The following KCNQ1OT1 variants were observed in gnomAD, a reference collection of about 807,000 sequenced individuals.
KCNQ1OT1 encodes the protein KCNQ1 antisense RNA 2 (non-protein coding).
At position 2,652,725 on chromosome 11, in the gene KCNQ1OT1, C is replaced by A; in HGVS notation, n.47270G>T. ...TCTTTCCGTTTCCTGGGCTCACTCA[C>A]GCTCAGGGTTGACCCTGTCCTGGCT... On this transcript the variant is annotated non_coding_transcript_exon_variant, in exon 1 of 1. Coordinates refer to ENST00000597346, the Ensembl canonical transcript of KCNQ1OT1. This position sits in a 1 kb window ranked among gnomAD's most constrained non-coding sequence, Gnocchi z 5.9. The A allele has an allele frequency of 2.5e-6, 1 of 398,912 alleles. No homozygotes were observed. Among genetic ancestry groups the A allele is most frequent in the Non-Finnish European group, 4.4e-6 (1 of 226,324 alleles). 24.7% of individuals were successfully genotyped at this position (398,912 alleles called of 1,614,324 possible).
At chr11:2,649,774 G>A in exon 1 of KCNQ1OT1, 2 of 398,462 alleles carry the variant, frequency 5.0e-6, no homozygotes, top group Non-Finnish European at 8.8e-6. Flanking sequence ...CCTCAGAGAG[G>A]CCCTTTTAGG....
Position 2,613,272 on chromosome 11 carries a change from T to G in KCNQ1OT1, n.86723A>C. On this transcript the variant is annotated non_coding_transcript_exon_variant, in exon 1 of 1. Coordinates refer to ENST00000597346, the Ensembl canonical transcript of KCNQ1OT1. This position sits in a 1 kb window ranked among gnomAD's most constrained non-coding sequence, Gnocchi z 4.8. ...TAGATAGCAGGAAACCTCTCTGATC[T>G]CTCCTGCAAGCATGTACAACTTCCA... The G allele has an allele frequency of 2.5e-6, 1 of 398,560 alleles. No homozygotes were observed. Among genetic ancestry groups the G allele is most frequent in the African/African-American group, 2.1e-5 (1 of 48,732 alleles). The allele number at this position is 398,560 out of a possible 1,614,324, so 24.7% of individuals were successfully genotyped here.
chr11:2,644,326 G>A, exon 1 of KCNQ1OT1: 4 of 398,188 alleles, frequency 1.0e-5, no homozygotes, highest in Admixed American at 8.8e-5. Flanking sequence ...TATCTTCAAG[G>A]TGTGAAATTC....
chr11:2,615,114 T>C, exon 1 of KCNQ1OT1: 1 of 398,360 alleles, frequency 2.5e-6, no homozygotes, highest in Non-Finnish European at 4.4e-6. Context: ...TTTCACCTTC[T>C]TGTTTTAATT....
Position 2,620,838 on chromosome 11 carries a change from C to G in KCNQ1OT1, n.79157G>C, listed in dbSNP as rs1849157401. 2.5e-6 allele frequency: 1 copy of G among 398,566 alleles called. No homozygotes were observed. The highest frequency in any genetic ancestry group is 4.4e-6 in the Non-Finnish European group (1 of 226,078). The allele number at this position is 398,566 out of a possible 1,614,324, so 24.7% of individuals were successfully genotyped here. ...TATAAGCGTTCCCTTTTCTCTGCAG[C>G]CTTCCCAGCAACTTTTATTTTTTTG... On this transcript the variant is annotated non_coding_transcript_exon_variant, in exon 1 of 1. Transcript: ENST00000597346. This position sits in a 1 kb window ranked among gnomAD's most constrained non-coding sequence, Gnocchi z 4.5.
chr11:2,640,273 C>G (rs1392871023), exon 1 of KCNQ1OT1: 5 of 397,612 alleles, frequency 1.3e-5, no homozygotes, highest in East Asian at 3.6e-5. Context: ...GTTGGAAATG[C>G]AGAAATCACC....
chr11:2,685,956 C>T (rs1850482131), exon 1 of KCNQ1OT1: 1 of 398,788 alleles, frequency 2.5e-6, no homozygotes, highest in Admixed American at 4.4e-5. Flanking sequence ...TGCTGGGTCA[C>T]ACGGATGAGG....
exon 1 of KCNQ1OT1, chr11:2,640,085 G>A (rs368535162): frequency 3.5e-4 from 85 of 242,558 alleles, no homozygotes; most frequent in African/African-American, 1.8e-3. Flanking sequence ...GAGTGATCCA[G>A]TTTTCCAGGT....
chr11:2,624,394 T>A lies in KCNQ1OT1; in HGVS notation n.75601A>T. On this transcript the variant is annotated non_coding_transcript_exon_variant, in exon 1 of 1. Coordinates refer to ENST00000597346, the Ensembl canonical transcript of KCNQ1OT1. This position sits in a 1 kb window ranked among gnomAD's most constrained non-coding sequence, Gnocchi z 4.9. ...CCTTTCATCCTCTTGACAGTATGTT[T>A]TACAGAGCAGAAACTTTTATTTTTA... is the stretch of plus-strand genomic sequence containing the variant. 6 of 398,538 alleles carry A rather than the reference T, an allele frequency of 1.5e-5. No homozygotes were observed. Among genetic ancestry groups the A allele is most frequent in the Non-Finnish European group, 2.7e-5 (6 of 226,026 alleles). 24.7% of individuals were successfully genotyped at this position (398,538 alleles called of 1,614,324 possible).
Position 2,661,591 on chromosome 11 carries a change from C to G in KCNQ1OT1, n.38404G>C. Reference sequence around the variant, plus strand: ...ATGTATGGTGGTGGGAGCTGTTGTCCCTTACCAGGCCTGTGCCTGTCACCT... The same window carrying G: ...ATGTATGGTGGTGGGAGCTGTTGTCGCTTACCAGGCCTGTGCCTGTCACCT... On this transcript the variant is annotated non_coding_transcript_exon_variant, in exon 1 of 1. Coordinates refer to ENST00000597346, the Ensembl canonical transcript of KCNQ1OT1. The surrounding 1 kb of genome is among the most constrained non-coding windows in gnomAD (Gnocchi z 5.9). 1 of 563,474 alleles carries G rather than the reference C, an allele frequency of 1.8e-6. No homozygotes were observed. 34.9% of individuals were successfully genotyped at this position (563,474 alleles called of 1,614,324 possible).
exon 1 of KCNQ1OT1, chr11:2,662,001 T>C: frequency 6.2e-7 from 1 of 1,614,164 alleles, no homozygotes; most frequent in African/African-American, 1.3e-5. Flanking sequence ...GCATGCCCCA[T>C]TTCATGAGAA....
At chr11:2,686,719 G>C in exon 1 of KCNQ1OT1, 1 of 398,600 alleles carries the variant, frequency 2.5e-6, no homozygotes, top group Admixed American at 4.4e-5. Flanking sequence ...AGTCCTACTC[G>C]GCCCCACTTC....
chr11:2,670,254 G>T lies in KCNQ1OT1; in HGVS notation n.29741C>A, dbSNP rs2283183. ...TTGACCCTGCACATGACGGGCGAGGGAAGAGGACCATGGTAGCTTGTCTCT... is the reference window on the plus strand; with the variant it reads ...TTGACCCTGCACATGACGGGCGAGGTAAGAGGACCATGGTAGCTTGTCTCT... On this transcript the variant is annotated non_coding_transcript_exon_variant, in exon 1 of 1. Coordinates refer to ENST00000597346, the Ensembl canonical transcript of KCNQ1OT1. This position sits in a 1 kb window ranked among gnomAD's most constrained non-coding sequence, Gnocchi z 4.9. 0.014 allele frequency: 5,615 copies of T among 398,546 alleles called. 192 individuals carry two copies. Among genetic ancestry groups the T allele is most frequent in the East Asian group, 0.095 (2,657 of 28,064 alleles). The allele number at this position is 398,546 out of a possible 1,614,324, so 24.7% of individuals were successfully genotyped here. A position where few individuals can be genotyped will look rare whatever the true frequency, so the allele number is the denominator to read the frequency against.
chr11:2,655,529 A>G (rs2133848191), exon 1 of KCNQ1OT1: 1 of 398,682 alleles, frequency 2.5e-6, no homozygotes, highest in South Asian at 1.3e-4. Context: ...CCATGGGCTC[A>G]ACCTTCTCTG....
At chr11:2,694,723 G>A (rs1222780642) in exon 1 of KCNQ1OT1, 1 of 398,514 alleles carries the variant, frequency 2.5e-6, no homozygotes, top group Non-Finnish European at 4.4e-6. Flanking sequence ...GGAAGAGATA[G>A]GCAGCCAACA....
At position 2,617,588 on chromosome 11, in the gene KCNQ1OT1, A is replaced by T. The variant is rs1849088024; in HGVS notation, n.82407T>A. On this transcript the variant is annotated non_coding_transcript_exon_variant, in exon 1 of 1. Transcript: ENST00000597346. This position sits in a 1 kb window ranked among gnomAD's most constrained non-coding sequence, Gnocchi z 4.6. Reference sequence around the variant, plus strand: ...CTTTGGGAATATACCTAGAAGAGGGATTAGTGGGTCAGATGATAGTATATT... The same window carrying T: ...CTTTGGGAATATACCTAGAAGAGGGTTTAGTGGGTCAGATGATAGTATATT... 2.5e-6 allele frequency: 1 copy of T among 398,372 alleles called. No homozygotes were observed. Among genetic ancestry groups the T allele is most frequent in the Non-Finnish European group, 4.4e-6 (1 of 225,938 alleles). The allele number at this position is 398,372 out of a possible 1,614,324, so 24.7% of individuals were successfully genotyped here.
At chr11:2,644,345 G>C (rs1849632079) in exon 1 of KCNQ1OT1, 2 of 397,910 alleles carry the variant, frequency 5.0e-6, no homozygotes, top group Non-Finnish European at 8.9e-6. Context: ...TCTTTCTTCT[G>C]CTTGTTGTGG....
chr11:2,617,322 A>G lies in KCNQ1OT1; in HGVS notation n.82673T>C. On this transcript the variant is annotated non_coding_transcript_exon_variant, in exon 1 of 1. Transcript: ENST00000597346. This position sits in a 1 kb window ranked among gnomAD's most constrained non-coding sequence, Gnocchi z 4.6. ...TAAGATTCTACATATAGGTGAGATT[A>G]TTTAAAACTTTTCATTTGTATATGG... The G allele has an allele frequency of 2.5e-6, 1 of 398,358 alleles. No individual in the cohort carries two copies. The highest frequency in any genetic ancestry group is 4.4e-6 in the Non-Finnish European group (1 of 225,904). The allele number at this position is 398,358 out of a possible 1,614,324, so 24.7% of individuals were successfully genotyped here.
chr11:2,618,866 T>C (rs1849116341), exon 1 of KCNQ1OT1: 1 of 398,218 alleles, frequency 2.5e-6, no homozygotes, highest in African/African-American at 2.1e-5. Flanking sequence ...CATCAATGAT[T>C]CATAGTTTTC....
Sources: allele counts gnomAD v4.1 joint callset, GRCh38; gene constraint gnomAD v4.1.1; non-coding constraint Gnocchi (gnomAD v3.1); transcripts MANE v1.5; gene names NCBI Gene and HGNC (gene_info 2026-07-23, HGNC 2026-07-21).